Variants in JMJD1C observed in about 807,000 individuals in gnomAD.
JMJD1C encodes jumonji domain containing 1C.
In JMJD1C, 31 loss-of-function variants were observed where a neutral mutation model predicts 245.3. The ratio of observed to expected loss-of-function variants is 0.13; its 90% confidence interval spans 0.09 to 0.17. The LOEUF (loss-of-function observed/expected upper bound fraction) is 0.17, where lower values mean the gene tolerates loss of function less well. JMJD1C is among the 10% of genes least tolerant of loss of function. JMJD1C has a pLI of 1.00. For missense variants in JMJD1C, 2,691 were observed against 3,000.2 expected, an observed-to-expected ratio of 0.90 and a Z score of 2.41; for synonymous variants, 1,057 against 1,017.4, an observed-to-expected ratio of 1.04 and a Z score of -0.74.
intron 2 of JMJD1C, among the ~76,000 whole-genome samples, chr10:63,318,688 G>C: frequency 6.6e-6 from 1 of 151,634 alleles, no homozygotes; most frequent in Non-Finnish European, 1.5e-5. Flanking sequence ...AAAAAAAAAA[G>C]TTTCTTTGGC....
intron 3 of JMJD1C, among the ~76,000 whole-genome samples, chr10:63,249,971 T>C (rs1852829390): frequency 6.6e-6 from 1 of 152,174 alleles, no homozygotes. Flanking sequence ...AATTATCACA[T>C]GTACCCCCCA....
chr10:63,457,580 T>C (rs1354489476), intron 1 of JMJD1C, among the ~76,000 whole-genome samples: 1 of 151,644 alleles, frequency 6.6e-6, no homozygotes, highest in East Asian at 1.9e-4. Flanking sequence ...ATTAAGAAGA[T>C]GAAAGGAACT....
At chr10:63,266,434 T>A (rs764675245) in intron 2 of JMJD1C, among the ~76,000 whole-genome samples, 11 of 152,258 alleles carry the variant, frequency 7.2e-5, no homozygotes, top group Non-Finnish European at 1.6e-4. Context: ...AAAAAGTTTG[T>A]AAGAAATTCA....
intron 2 of JMJD1C, among the ~76,000 whole-genome samples, chr10:63,330,930 A>G (rs1564795633): frequency 6.6e-6 from 1 of 152,178 alleles, no homozygotes; most frequent in Non-Finnish European, 1.5e-5. Context: ...TCTCTGATAT[A>G]AACTGTTCAA....
Position 63,521,835 on chromosome 10 carries a change from T to G in JMJD1C, n.16A>C, listed in dbSNP as rs948505001. On this transcript the variant is annotated non_coding_transcript_exon_variant, in exon 1 of 4. Transcript: ENST00000633035. ...GGCGGCGGCTGTGGCGCTGCTCGGC[T>G]GCGTGCGGTGCGGCGCGGCGCCCCT... 21 of 84,166 alleles carry G rather than the reference T, an allele frequency of 2.5e-4. No homozygotes were observed. In the Admixed American group the frequency reaches 3.0e-3, roughly 12 times the overall value. The allele number at this position is 84,166 out of a possible 1,614,324, so 5.2% of individuals were successfully genotyped here. A position where few individuals can be genotyped will look rare whatever the true frequency, so the allele number is the denominator to read the frequency against.
chr10:63,408,413 A>C (rs1376746517), intron 1 of JMJD1C, among the ~76,000 whole-genome samples: 1 of 152,016 alleles, frequency 6.6e-6, no homozygotes, highest in Non-Finnish European at 1.5e-5. Flanking sequence ...GAAAAAAAAA[A>C]CAGATAAAAA....
At chr10:63,204,553 T>C in intron 10 of JMJD1C, 1 of 985,412 alleles carries the variant, frequency 1.0e-6, no homozygotes, top group Non-Finnish European at 1.2e-6. Context: ...GGAAATGTCA[T>C]ATAAGACAGA....
chr10:63,179,271 T>A (rs1843190266), intron 22 of JMJD1C, among the ~76,000 whole-genome samples: 1 of 151,780 alleles, frequency 6.6e-6, no homozygotes, highest in Admixed American at 6.6e-5. Context: ...TAGCTGGGTG[T>A]GGTGGCACAT....
chr10:63,261,619 G>A (rs1854771192), intron 3 of JMJD1C, among the ~76,000 whole-genome samples: 1 of 152,100 alleles, frequency 6.6e-6, no homozygotes, highest in Non-Finnish European at 1.5e-5. Flanking sequence ...CTTAATACTT[G>A]CTATCTGATA....
chr10:63,297,705 C>T (rs1859611049), intron 2 of JMJD1C, among the ~76,000 whole-genome samples: 1 of 152,154 alleles, frequency 6.6e-6, no homozygotes, highest in South Asian at 2.1e-4. Flanking sequence ...AGGTAGCCAC[C>T]CCATGGGATG....
intron 1 of JMJD1C, among the ~76,000 whole-genome samples, chr10:63,404,213 TAA>T (rs955961403): frequency 1.3e-5 from 2 of 152,166 alleles, no homozygotes; most frequent in Non-Finnish European, 2.9e-5. Flanking sequence ...AATGAAACGT[TAA>T]AAAGAGTAAG....
chr10:63,220,349 A>G (rs935737492), intron 3 of JMJD1C, among the ~76,000 whole-genome samples: 1 of 152,232 alleles, frequency 6.6e-6, no homozygotes, highest in African/African-American at 2.4e-5. Context: ...AACTGAGGTG[A>G]ACATTTGAAT....
chr10:63,323,200 G>T (rs1941112425), intron 2 of JMJD1C, among the ~76,000 whole-genome samples: 1 of 152,094 alleles, frequency 6.6e-6, no homozygotes, highest in Non-Finnish European at 1.5e-5. Context: ...GGAAAAGCCT[G>T]TTGGCCACAA....
intron 2 of JMJD1C, among the ~76,000 whole-genome samples, chr10:63,333,897 T>C (rs948138587): frequency 6.6e-6 from 1 of 152,174 alleles, no homozygotes; most frequent in Non-Finnish European, 1.5e-5. Flanking sequence ...TCCAGCAAAA[T>C]ATCTGTATCT....
At chr10:63,254,497 G>A (rs550279132) in intron 3 of JMJD1C, among the ~76,000 whole-genome samples, 173 of 152,256 alleles carry the variant, frequency 1.1e-3, no homozygotes, top group African/African-American at 4.1e-3. Flanking sequence ...GGCTCACAAA[G>A]GCAGGCAGTG....
intron 2 of JMJD1C, among the ~76,000 whole-genome samples, chr10:63,348,195 GACTTC>G (rs1246623700): frequency 9.9e-6 from 1 of 101,480 alleles, no homozygotes; most frequent in African/African-American, 4.2e-5. Flanking sequence ...GACAGAGCGA[GACTTC>G]ATCTCAAAAA....
At chr10:63,194,634 C>G (rs1283401282) in intron 13 of JMJD1C, 1 of 337,792 alleles carries the variant, frequency 3.0e-6, no homozygotes, top group Admixed American at 4.2e-5. Context: ...ATAATGATAG[C>G]CTTTCTAAAA....
chr10:63,224,792 G>C (rs1430773630), intron 3 of JMJD1C, among the ~76,000 whole-genome samples: 1 of 152,092 alleles, frequency 6.6e-6, no homozygotes, highest in Admixed American at 6.5e-5. Flanking sequence ...GGCCGGGTGC[G>C]ATGGCTCACA....
chr10:63,209,300 G>A (rs988222036), intron 8 of JMJD1C, 65 bp from the exon 9 acceptor site: 2 of 1,364,136 alleles, frequency 1.5e-6, no homozygotes, highest in South Asian at 1.5e-5. Flanking sequence ...TAAACACCGT[G>A]TCACAGTAGA....
Sources: gnomAD v4.1 joint callset for allele counts (sites outside exome capture counted in the v4.1 genomes callset) on GRCh38, gnomAD v4.1.1 for gene constraint, MANE v1.5 for transcripts, NCBI Gene and HGNC (gene_info 2026-07-23, HGNC 2026-07-21) for gene names.